ZNF804B: variants seen among roughly 807,000 people sequenced by gnomAD.
ZNF804B encodes zinc finger 804B.
Under a neutral mutation model 101.4 loss-of-function variants are expected in ZNF804B, and 80 were observed. The ratio of observed to expected loss-of-function variants is 0.79; its 90% CI spans 0.66 to 0.95. ZNF804B has a LOEUF of 0.95. ZNF804B is among the 40% of genes least tolerant of loss of function. ZNF804B has a pLI of 0.00. For synonymous variants in ZNF804B, 622 were observed against 558.8 expected (o/e 1.11, Z -1.59); for missense variants, 1,673 against 1,561.9 (o/e 1.07, Z -1.20).
At chr7:88,896,849 G>C (rs1792292125) in intron 1 of ZNF804B, among the ~76,000 whole-genome samples, 1 of 152,072 alleles carries the variant, frequency 6.6e-6, no homozygotes, top group South Asian at 2.1e-4. Flanking sequence ...TATTTGGCAG[G>C]GCATTTGAAA....
chr7:89,029,674 A>G (rs1788802245), intron 1 of ZNF804B, among the ~76,000 whole-genome samples: 1 of 152,164 alleles, frequency 6.6e-6, no homozygotes. Flanking sequence ...CGGGGTCATT[A>G]TTGTCATTCT....
intron 1 of ZNF804B, among the ~76,000 whole-genome samples, chr7:88,767,591 A>G (rs1444090503): frequency 6.6e-6 from 1 of 152,186 alleles, no homozygotes; most frequent in Non-Finnish European, 1.5e-5. Flanking sequence ...GCATGCCTTA[A>G]ATTAGACTTG....
intron 2 of ZNF804B, among the ~76,000 whole-genome samples, chr7:89,284,710 G>GAA (rs35903565): frequency 2.0e-5 from 3 of 151,376 alleles, no homozygotes; most frequent in South Asian, 4.2e-4. Context: ...ACAGGATTTG[G>GAA]AAAAAAAATA....
intron 1 of ZNF804B, among the ~76,000 whole-genome samples, chr7:88,998,467 T>A (rs573051793): frequency 3.9e-5 from 6 of 152,126 alleles, no homozygotes; most frequent in Non-Finnish European, 5.9e-5. Flanking sequence ...AGCAGAGAAG[T>A]GAGAAATCAT....
intron 2 of ZNF804B, among the ~76,000 whole-genome samples, chr7:89,220,540 C>T (rs868027207): frequency 1.3e-5 from 2 of 151,818 alleles, no homozygotes; most frequent in African/African-American, 2.4e-5. Context: ...ATACCATCAT[C>T]GCTCACCACA....
At chr7:88,889,782 TAA>T (rs1792189745) in intron 1 of ZNF804B, among the ~76,000 whole-genome samples, 1 of 152,222 alleles carries the variant, frequency 6.6e-6, no homozygotes, top group Non-Finnish European at 1.5e-5. Context: ...TGAATTTAAT[TAA>T]GTCTCACTTG....
intron 1 of ZNF804B, among the ~76,000 whole-genome samples, chr7:88,854,524 T>TCCTTCCCTTC (rs1791518801): frequency 4.5e-5 from 3 of 66,108 alleles, no homozygotes; most frequent in African/African-American, 2.4e-4. Flanking sequence ...TTCCTTTCCT[T>TCCTTCCCTTC]CCTTTCCTTC....
intron 1 of ZNF804B, among the ~76,000 whole-genome samples, chr7:88,761,302 C>T (rs1341807986): frequency 1.3e-5 from 2 of 152,200 alleles, no homozygotes; most frequent in East Asian, 3.9e-4. Flanking sequence ...TGCAACTGCT[C>T]CCCCCAACAA....
At chr7:88,776,565 T>TTG (rs1377948302) in intron 1 of ZNF804B, among the ~76,000 whole-genome samples, 3 of 142,942 alleles carry the variant, frequency 2.1e-5, no homozygotes, top group African/African-American at 8.5e-5. Context: ...GTTTTGTTTT[T>TTG]TTTTTTTTTT....
At chr7:88,945,187 G>T (rs756093770) in intron 1 of ZNF804B, among the ~76,000 whole-genome samples, 26 of 152,168 alleles carry the variant, frequency 1.7e-4, no homozygotes, top group Middle Eastern at 3.4e-3. Context: ...GAATGGTATT[G>T]CCTAGGTTTC....
chr7:89,007,627 A>C (rs1205425597), intron 1 of ZNF804B, among the ~76,000 whole-genome samples: 2 of 143,220 alleles, frequency 1.4e-5, no homozygotes, highest in Non-Finnish European at 3.0e-5. Flanking sequence ...ATTTATAAAT[A>C]TATATATTTT....
At chr7:88,934,185 A>G (rs1375210240) in intron 1 of ZNF804B, among the ~76,000 whole-genome samples, 1 of 152,004 alleles carries the variant, frequency 6.6e-6, no homozygotes, top group African/African-American at 2.4e-5. Flanking sequence ...TATTCAATAA[A>G]TGGGGCTGGA....
intron 1 of ZNF804B, among the ~76,000 whole-genome samples, chr7:89,088,188 C>A (rs1789834242): frequency 6.6e-6 from 1 of 151,890 alleles, no homozygotes; most frequent in South Asian, 2.1e-4. Context: ...TTTATAGTTT[C>A]ATGATTATTA....
At chr7:88,947,663 G>T (rs771408491) in intron 1 of ZNF804B, among the ~76,000 whole-genome samples, 4 of 151,570 alleles carry the variant, frequency 2.6e-5, no homozygotes, top group Non-Finnish European at 4.4e-5. Context: ...AGAACTTAAA[G>T]TATATATAAA....
chr7:89,330,388 A>G (rs1327911281), intron 3 of ZNF804B, among the ~76,000 whole-genome samples: 1 of 151,680 alleles, frequency 6.6e-6, no homozygotes, highest in Non-Finnish European at 1.5e-5. Flanking sequence ...TATCTCACAC[A>G]AAATGGTAAC....
intron 1 of ZNF804B, among the ~76,000 whole-genome samples, chr7:89,064,209 A>T (rs1789418289): frequency 6.6e-6 from 1 of 152,110 alleles, no homozygotes; most frequent in South Asian, 2.1e-4. Context: ...GGCTTTTATA[A>T]GAGTGCCTGA....
intron 1 of ZNF804B, among the ~76,000 whole-genome samples, chr7:89,154,667 T>C (rs974121169): frequency 6.6e-6 from 1 of 151,938 alleles, no homozygotes; most frequent in African/African-American, 2.4e-5. Context: ...ATCAAAGCAA[T>C]TGACCTCATG....
At chr7:89,310,127 T>A (rs765398251) in intron 2 of ZNF804B, among the ~76,000 whole-genome samples, 1 of 152,028 alleles carries the variant, frequency 6.6e-6, no homozygotes, top group Non-Finnish European at 1.5e-5. Flanking sequence ...TGAGCCCTTC[T>A]TCCTGCCTTC....
intron 2 of ZNF804B, among the ~76,000 whole-genome samples, chr7:89,324,607 C>CTTTTTTTTTTTTTTTTTT (rs35905388): frequency 1.8e-5 from 2 of 109,562 alleles, no homozygotes; most frequent in Non-Finnish European, 1.9e-5. Context: ...TACCTTCTTA[C>CTTTTTTTTTTTTTTTTTT]TTTTTTTTTT....
Sources: allele counts gnomAD v4.1 joint callset (sites outside exome capture counted in the v4.1 genomes callset), GRCh38; gene constraint gnomAD v4.1.1; transcripts MANE v1.5; gene names NCBI Gene and HGNC (gene_info 2026-07-23, HGNC 2026-07-21).